Variants in KALRN observed in about 807,000 individuals in gnomAD.
The protein encoded by KALRN is kalirin.
Under a neutral mutation model 353.7 loss-of-function variants are expected in KALRN, and 70 were observed. That is an observed-to-expected ratio of 0.20 (90% CI 0.16 to 0.24). The LOEUF is 0.24. Among genes scored for constraint, KALRN ranks in the 10% least tolerant of loss-of-function variants. KALRN has a pLI of 1.00. For missense variants in KALRN, 2,791 were observed against 3,756.7 expected (o/e 0.74, Z 6.72); for synonymous variants, 1,391 against 1,434.8 (o/e 0.97, Z 0.69).
At chr3:124,574,874 C>T (rs190172006) in intron 34 of KALRN, among the ~76,000 whole-genome samples, 2 of 152,328 alleles carry the variant, frequency 1.3e-5, no homozygotes, top group Admixed American at 1.3e-4. Context: ...AGGAGCAGCC[C>T]TTGCAGGCCA....
At chr3:124,412,326 G>A (rs980175074) in intron 13 of KALRN, among the ~76,000 whole-genome samples, 2 of 152,140 alleles carry the variant, frequency 1.3e-5, no homozygotes, top group African/African-American at 4.8e-5. Flanking sequence ...CTCAACTAAG[G>A]CTCTGGGATA....
intron 34 of KALRN, among the ~76,000 whole-genome samples, chr3:124,578,636 A>C (rs983937017): frequency 1.3e-5 from 2 of 152,112 alleles, no homozygotes; most frequent in African/African-American, 4.8e-5. Flanking sequence ...GGGCTTGGTG[A>C]CGCTTGCCTG....
chr3:124,478,070 C>T (rs1191686866), intron 27 of KALRN, among the ~76,000 whole-genome samples: 1 of 152,024 alleles, frequency 6.6e-6, no homozygotes, highest in African/African-American at 2.4e-5. Flanking sequence ...ATCTATAAAG[C>T]CAAAAGTGAC....
At chr3:124,157,917 A>G (rs1282120277) in intron 1 of KALRN, among the ~76,000 whole-genome samples, 1 of 152,138 alleles carries the variant, frequency 6.6e-6, no homozygotes, top group African/African-American at 2.4e-5. Context: ...CTCCAGGTGC[A>G]GTGGCTGTGG....
intron 1 of KALRN, 65 bp from the exon 2 acceptor site, chr3:124,227,924 TG>T: frequency 7.9e-7 from 1 of 1,267,058 alleles, no homozygotes; most frequent in Non-Finnish European, 1.2e-6. Flanking sequence ...AGACTGAGGA[TG>T]GGACCTTGCG....
At chr3:124,525,152 C>T (rs910585700) in intron 33 of KALRN, among the ~76,000 whole-genome samples, 1 of 152,142 alleles carries the variant, frequency 6.6e-6, no homozygotes, top group Non-Finnish European at 1.5e-5. Context: ...TCAAAGGTGC[C>T]AGTGGCATGA....
At chr3:124,211,834 C>T (rs1195736300) in intron 1 of KALRN, among the ~76,000 whole-genome samples, 1 of 152,058 alleles carries the variant, frequency 6.6e-6, no homozygotes, top group East Asian at 1.9e-4. Flanking sequence ...TTCTGTGGTA[C>T]CTCTATTGAC....
intron 3 of KALRN, among the ~76,000 whole-genome samples, chr3:124,261,046 C>CTTT (rs11385774): frequency 4.2e-5 from 6 of 142,784 alleles, no homozygotes; most frequent in African/African-American, 1.0e-4. Flanking sequence ...CTTGGGTTTT[C>CTTT]TTTTTTTTTT....
At chr3:124,377,701 A>G (rs563832171) in intron 10 of KALRN, among the ~76,000 whole-genome samples, 1 of 152,274 alleles carries the variant, frequency 6.6e-6, no homozygotes, top group South Asian at 2.1e-4. Context: ...ATCAGTCTTT[A>G]CATAGTTTGA....
intron 33 of KALRN, among the ~76,000 whole-genome samples, chr3:124,554,163 C>T (rs2070913852): frequency 6.6e-6 from 1 of 152,234 alleles, no homozygotes; most frequent in African/African-American, 2.4e-5. Flanking sequence ...CGAGACCAGC[C>T]TGGGTAACAT....
At chr3:124,626,409 C>A (rs2079959880) in intron 34 of KALRN, among the ~76,000 whole-genome samples, 1 of 152,120 alleles carries the variant, frequency 6.6e-6, no homozygotes, top group Non-Finnish European at 1.5e-5. Flanking sequence ...AAAATGTTTA[C>A]ACTATATCTA....
intron 33 of KALRN, among the ~76,000 whole-genome samples, chr3:124,558,117 A>T (rs2071502466): frequency 6.6e-6 from 1 of 152,174 alleles, no homozygotes; most frequent in Non-Finnish European, 1.5e-5. Flanking sequence ...AACTCCATGA[A>T]GATTACTTTA....
chr3:124,163,801 C>T lies in KALRN; in HGVS notation c.74-64189C>T, dbSNP rs2070387514. Reference sequence around the variant, plus strand: ...TCTCCTTCCAAACTTCCCTGTATGTCATCTTGCTCCTGGGCCACCTGACTG... The same window carrying T: ...TCTCCTTCCAAACTTCCCTGTATGTTATCTTGCTCCTGGGCCACCTGACTG... On this transcript the variant is annotated intron_variant, in intron 1 of 59. Coordinates refer to ENST00000682506, the MANE Select transcript of KALRN (RefSeq NM_001388419.1). 1.2e-5 allele frequency: 12 copies of T among 985,468 alleles called. No homozygotes were observed. The South Asian group carries it at 3.3e-4, about 27-fold the overall frequency. The allele number at this position is 985,468 out of a possible 1,614,324, so 61.0% of individuals were successfully genotyped here. A position where few individuals can be genotyped will look rare whatever the true frequency, so the allele number is the denominator to read the frequency against.
intron 5 of KALRN, among the ~76,000 whole-genome samples, chr3:124,280,852 G>A (rs540966108): frequency 6.6e-6 from 1 of 152,206 alleles, no homozygotes; most frequent in South Asian, 2.1e-4. Flanking sequence ...CTGTTTCTCA[G>A]GGAAAAGCCC....
chr3:124,694,263 T>G, intron 52 of KALRN, 69 bp from the exon 53 acceptor site: 1 of 1,496,006 alleles, frequency 6.7e-7, no homozygotes, highest in South Asian at 1.2e-5. Context: ...AGAGGTGTGT[T>G]AAAACAAAAT....
chr3:124,294,805 CTA>C (rs886522496), intron 5 of KALRN, among the ~76,000 whole-genome samples: 13 of 152,174 alleles, frequency 8.5e-5, no homozygotes, highest in African/African-American at 3.1e-4. Context: ...ATCAACAAAA[CTA>C]TTTTTTATTT....
chr3:124,642,224 C>T (rs2082109180), intron 37 of KALRN, among the ~76,000 whole-genome samples: 1 of 151,918 alleles, frequency 6.6e-6, no homozygotes, highest in Non-Finnish European at 1.5e-5. Context: ...GCAGAGGTTG[C>T]AGTGAGCCGA....
chr3:124,457,997 C>T (rs887316842), intron 23 of KALRN, among the ~76,000 whole-genome samples: 4 of 152,026 alleles, frequency 2.6e-5, no homozygotes, highest in African/African-American at 7.2e-5. Flanking sequence ...CTCTGCTGGC[C>T]GCGTGTGGTG....
chr3:124,248,257 C>T (rs113518473), intron 3 of KALRN, among the ~76,000 whole-genome samples: 23 of 152,170 alleles, frequency 1.5e-4, no homozygotes, highest in African/African-American at 3.1e-4. Flanking sequence ...GGGCTTCACC[C>T]CCCCCATACT....
Sources: gnomAD v4.1 joint callset for allele counts (sites outside exome capture counted in the v4.1 genomes callset) on GRCh38, gnomAD v4.1.1 for gene constraint, MANE v1.5 for transcripts, NCBI Gene and HGNC (gene_info 2026-07-23, HGNC 2026-07-21) for gene names.